Variants in TBC1D32 observed in about 807,000 individuals in gnomAD.
The protein encoded by TBC1D32 is TBC1 domain family member 32.
TBC1D32 carries 151 observed loss-of-function variants against 170.3 expected under a neutral mutation model. That is an observed-to-expected ratio of 0.89 (90% CI 0.78 to 1.01). The LOEUF is 1.01. Ranked by LOEUF, TBC1D32 falls within the 50% of genes least tolerant of loss-of-function variation. TBC1D32 has a pLI of 0.00. For missense variants in TBC1D32, 1,464 were observed against 1,457.1 expected, an observed-to-expected ratio of 1.00 and a Z score of -0.08; for synonymous variants, 498 against 488.0, an observed-to-expected ratio of 1.02 and a Z score of -0.27.
At chr6:121,261,661 T>C (rs1431556533) in intron 15 of TBC1D32, among the ~76,000 whole-genome samples, 2 of 152,000 alleles carry the variant, frequency 1.3e-5, no homozygotes, top group African/African-American at 2.4e-5. Flanking sequence ...AACAAACTCA[T>C]GAAGATGAGA....
In TBC1D32 at chr6:121,267,613, G is replaced by T. The variant is rs1422509646; in HGVS notation, c.1734-11328C>A. Among the ~76,000 whole-genome samples the T allele has an allele frequency of 5.9e-5, 9 of 152,292 alleles. 1 individual carries two copies. Among genetic ancestry groups the T allele is most frequent in the African/African-American group, 2.2e-4 (9 of 41,556 alleles). ...GAGGCTTCAGTAGATAAACAAAGTG[G>T]CTGGAAAGCTTGAACTGGAGCCCAC... On this transcript the variant is annotated intron_variant, in intron 15 of 31. Transcript: ENST00000398212.
intron 22 of TBC1D32, among the ~76,000 whole-genome samples, chr6:121,172,696 C>T (rs1327159487): frequency 2.0e-5 from 3 of 152,162 alleles, no homozygotes; most frequent in African/African-American, 7.2e-5. Context: ...GTATTTCCTC[C>T]TTATTTTGTT....
intron 10 of TBC1D32, among the ~76,000 whole-genome samples, chr6:121,297,458 A>T (rs141637671): frequency 1.3e-5 from 2 of 152,244 alleles, no homozygotes; most frequent in African/African-American, 4.8e-5. Context: ...TAAAAATGGC[A>T]CTACATAAAA....
chr6:121,221,521 A>T (rs1482451849), intron 21 of TBC1D32, among the ~76,000 whole-genome samples: 4 of 152,230 alleles, frequency 2.6e-5, no homozygotes, highest in Non-Finnish European at 5.9e-5. Flanking sequence ...TCTGGAAAGG[A>T]TTCACCATTA....
chr6:121,206,732 C>A (rs905246093), intron 21 of TBC1D32, among the ~76,000 whole-genome samples: 3 of 152,088 alleles, frequency 2.0e-5, no homozygotes, highest in African/African-American at 7.2e-5. Flanking sequence ...TATTAATAGA[C>A]TACCTAGTAA....
At chr6:121,083,148 C>T (rs192947329) in intron 31 of TBC1D32, among the ~76,000 whole-genome samples, 1 of 152,058 alleles carries the variant, frequency 6.6e-6, no homozygotes, top group Non-Finnish European at 1.5e-5. Context: ...CAGACTAGTG[C>T]TTCATTATAA....
intron 24 of TBC1D32, among the ~76,000 whole-genome samples, chr6:121,133,707 A>T (rs1781701173): frequency 6.6e-6 from 1 of 152,094 alleles, no homozygotes; most frequent in Admixed American, 6.6e-5. Context: ...ACAGATACAT[A>T]CACCAAACAC....
chr6:121,144,203 A>G (rs1371353352), intron 24 of TBC1D32, among the ~76,000 whole-genome samples: 1 of 152,198 alleles, frequency 6.6e-6, no homozygotes, highest in Non-Finnish European at 1.5e-5. Flanking sequence ...AAGGCTTAAG[A>G]TAGTACTACA....
intron 12 of TBC1D32, among the ~76,000 whole-genome samples, chr6:121,286,438 A>C (rs1249273733): frequency 6.6e-6 from 1 of 152,132 alleles, no homozygotes; most frequent in Non-Finnish European, 1.5e-5. Flanking sequence ...AGTTTAGAGA[A>C]AAAAGAATAA....
At position 121,080,571 on chromosome 6, in the gene TBC1D32, T is replaced by C. The variant is rs117240153; in HGVS notation, c.*200A>G. On this transcript the variant is annotated 3_prime_UTR_variant, in exon 32 of 32. Transcript: ENST00000398212. ...AAGTAAGCTAGATCTGATTCTATAA[T>C]AACCTTACAAAACAACAAATTTACA... is the stretch of plus-strand genomic sequence containing the variant. The C allele has an allele frequency of 2.8e-3, 1,761 of 628,252 alleles. 6 individuals are homozygous for C. The highest frequency in any genetic ancestry group is 3.9e-3 in the Non-Finnish European group (1,553 of 401,348). The allele number at this position is 628,252 out of a possible 1,614,324, so 38.9% of individuals were successfully genotyped here.
intron 22 of TBC1D32, among the ~76,000 whole-genome samples, chr6:121,161,514 C>T (rs139938154): frequency 0.012 from 1,886 of 152,234 alleles, 37 homozygotes; most frequent in African/African-American, 0.043. Flanking sequence ...CATTCATGTC[C>T]CTGCAAAGGA....
chr6:121,276,277 C>T (rs560587115), intron 15 of TBC1D32, among the ~76,000 whole-genome samples: 1 of 152,140 alleles, frequency 6.6e-6, no homozygotes, highest in Middle Eastern at 3.4e-3. Flanking sequence ...GAAATGACTT[C>T]TTATAAGGTC....
intron 25 of TBC1D32, among the ~76,000 whole-genome samples, chr6:121,130,442 A>T (rs991540828): frequency 3.3e-5 from 5 of 152,174 alleles, no homozygotes; most frequent in Admixed American, 3.3e-4. Flanking sequence ...AGATCGCACC[A>T]TGGCACTCCA....
chr6:121,218,471 G>A (rs756864036), intron 21 of TBC1D32, among the ~76,000 whole-genome samples: 1 of 152,124 alleles, frequency 6.6e-6, no homozygotes, highest in Non-Finnish European at 1.5e-5. Context: ...GATCCTGGGT[G>A]TGTCTGTGAG....
At chr6:121,235,792 G>C (rs1037361749) in intron 20 of TBC1D32, among the ~76,000 whole-genome samples, 1 of 152,176 alleles carries the variant, frequency 6.6e-6, no homozygotes, top group Admixed American at 6.5e-5. Context: ...GTATGTTCCT[G>C]TGGTAGTTCT....
At chr6:121,131,488 A>C (rs1781433354) in intron 25 of TBC1D32, 139 bp downstream of exon 25, 5 of 855,862 alleles carry the variant, frequency 5.8e-6, no homozygotes, top group Non-Finnish European at 8.4e-6. Context: ...TCAGGATCCC[A>C]ATTTTCTCAG....
Position 121,135,016 on chromosome 6 carries a change from A to C in TBC1D32, c.2774-3264T>G, listed in dbSNP as rs181158348. On this transcript the variant is annotated intron_variant, in intron 24 of 31. Transcript: ENST00000398212. ...CAAAAATAATCTAAAGACTGGCTAA[A>C]TTAAAAGTGCAGCCTACAAGTAGGC... 4.0e-5 allele frequency among the ~76,000 whole-genome samples: 6 copies of C among 151,568 alleles called. No homozygotes were observed. The East Asian group carries it at 1.2e-3, about 29-fold the overall frequency.
chr6:121,141,005 C>T (rs1270842823), intron 24 of TBC1D32, among the ~76,000 whole-genome samples: 2 of 152,030 alleles, frequency 1.3e-5, no homozygotes, highest in African/African-American at 4.8e-5. Context: ...GGAAAAAATA[C>T]AGGAGAAAGA....
intron 22 of TBC1D32, among the ~76,000 whole-genome samples, chr6:121,170,077 A>G (rs1345910653): frequency 1.3e-5 from 2 of 152,050 alleles, no homozygotes; most frequent in African/African-American, 4.8e-5. Flanking sequence ...AACCATTAAT[A>G]AAGTTATTAT....
Sources: allele counts gnomAD v4.1 joint callset (sites outside exome capture counted in the v4.1 genomes callset), GRCh38; gene constraint gnomAD v4.1.1; transcripts MANE v1.5; gene names NCBI Gene and HGNC (gene_info 2026-07-23, HGNC 2026-07-21).